Variants in PTPRN2 observed in about 807,000 individuals in gnomAD.
The protein encoded by PTPRN2 is receptor-type tyrosine-protein phosphatase N2.
A neutral mutation model predicts 118.8 loss-of-function variants in PTPRN2; 74 were observed. The observed-to-expected ratio is 0.62, with a 90% confidence interval of 0.52 to 0.76. The LOEUF is 0.76. Ranked by LOEUF, PTPRN2 falls within the 30% of genes least tolerant of loss-of-function variation. PTPRN2 has a pLI of 0.00. For synonymous variants in PTPRN2, 641 were observed against 608.0 expected, an observed-to-expected ratio of 1.05 and a Z score of -0.80; for missense variants, 1,481 against 1,394.4, an observed-to-expected ratio of 1.06 and a Z score of -0.99.
At chr7:158,071,289 G>GAGGTGCCCGTCGTGGTGT (rs1811489614) in intron 11 of PTPRN2, among the ~76,000 whole-genome samples, 1 of 103,850 alleles carries the variant, frequency 9.6e-6, no homozygotes, top group African/African-American at 5.5e-5. Flanking sequence ...CGTGGTGGTG[G>GAGGTGCCCGTCGTGGTGT]AGGTGCTCGT....
intron 14 of PTPRN2, among the ~76,000 whole-genome samples, chr7:157,649,076 A>T (rs7794805): frequency 3.4e-5 from 3 of 87,830 alleles, no homozygotes; most frequent in African/African-American, 4.4e-5. Context: ...TCGGTGGGTC[A>T]GACCCATTCA....
Position 158,028,160 on chromosome 7 carries a change from G to C in PTPRN2, c.1723+53138C>G, listed in dbSNP as rs141320007. ...TCCCCAGTGTCACATCCACGCTGTT[G>C]TCTCCTCTCCAGCTCAGACCAAAAT... On this transcript the variant is annotated intron_variant, in intron 11 of 22. Coordinates refer to ENST00000389418, the MANE Select transcript of PTPRN2 (RefSeq NM_002847.5). 4.9e-3 allele frequency: 754 copies of C among 152,334 alleles called. 1 individual carries two copies. Among genetic ancestry groups the C allele is most frequent in the Non-Finnish European group, 8.5e-3 (582 of 68,076 alleles). The allele number at this position is 152,334 out of a possible 1,614,324, so 9.4% of individuals were successfully genotyped here. A position where few individuals can be genotyped will look rare whatever the true frequency, so the allele number is the denominator to read the frequency against.
intron 5 of PTPRN2, among the ~76,000 whole-genome samples, chr7:158,175,730 A>T (rs1824130298): frequency 6.6e-6 from 1 of 152,180 alleles, no homozygotes; most frequent in Admixed American, 6.5e-5. Flanking sequence ...CAGTTTTCAG[A>T]GTTCACAAAA....
At chr7:158,146,471 C>A (rs1250331353) in intron 6 of PTPRN2, among the ~76,000 whole-genome samples, 1 of 152,018 alleles carries the variant, frequency 6.6e-6, no homozygotes, top group Non-Finnish European at 1.5e-5. Flanking sequence ...CCTGTAATCC[C>A]AGCACTTTGG....
chr7:158,272,405 G>A (rs771325051), intron 3 of PTPRN2, among the ~76,000 whole-genome samples: 17 of 151,916 alleles, frequency 1.1e-4, no homozygotes, highest in Non-Finnish European at 2.4e-4. Context: ...TATTGACTGA[G>A]TTTTTCAAGT....
In PTPRN2 at chr7:157,682,786, A is replaced by G; in HGVS notation, c.1940T>C (p.Leu647Pro). ...CCCTAGTCCCGAGAGCTTCTCCTTC[A>G]GCCTGTGCTGAGAGCTATGGCGGAG... ...YCLRHSSQHR[L>P]KEKLSGLGGD... Residue 647 changes from leucine (L) to proline (P), a missense_variant, in exon 13 of 23, where the codon CTG becomes CCG. Transcript: ENST00000389418. 1.2e-6 allele frequency: 2 copies of G among 1,614,160 alleles called. No individual in the cohort carries two copies. The highest frequency in any genetic ancestry group is 1.7e-6 in the Non-Finnish European group (2 of 1,180,048).
At chr7:157,926,057 C>T (rs4716811) in intron 11 of PTPRN2, among the ~76,000 whole-genome samples, 92,128 of 152,032 alleles carry the variant, frequency 0.61, 28,129 homozygotes, top group African/African-American at 0.67. Flanking sequence ...ACATGTGAGG[C>T]GAATGGATGA....
At chr7:157,689,138 T>G (rs1797345361) in intron 12 of PTPRN2, among the ~76,000 whole-genome samples, 1 of 152,130 alleles carries the variant, frequency 6.6e-6, no homozygotes, top group East Asian at 1.9e-4. Context: ...GGGGTGTGCT[T>G]GGGAGGGGGC....
chr7:158,511,981 A>G (rs958777158), intron 1 of PTPRN2, among the ~76,000 whole-genome samples: 3 of 152,172 alleles, frequency 2.0e-5, no homozygotes, highest in Non-Finnish European at 4.4e-5. Context: ...GATAAATGAC[A>G]TGCATTTATC....
At chr7:158,125,434 G>T (rs943418127) in intron 9 of PTPRN2, among the ~76,000 whole-genome samples, 1 of 152,166 alleles carries the variant, frequency 6.6e-6, no homozygotes, top group East Asian at 1.9e-4. Context: ...CTGGACTGTC[G>T]GGGATGCTGA....
Position 157,861,685 on chromosome 7 carries a change from C to A in PTPRN2, c.1788+36988G>T, listed in dbSNP as rs1468388004. On this transcript the variant is annotated intron_variant, in intron 12 of 22. Coordinates refer to ENST00000389418, the MANE Select transcript of PTPRN2 (RefSeq NM_002847.5). This position sits in a 1 kb window ranked among gnomAD's most constrained non-coding sequence, Gnocchi z 5.8. ...TGGAGACCTTGCTTGGAGGTGTCTGCAGGGCCTTGAAGGGGACACCGACCC... is the reference window on the plus strand; with the variant it reads ...TGGAGACCTTGCTTGGAGGTGTCTGAAGGGCCTTGAAGGGGACACCGACCC... Among the ~76,000 whole-genome samples, 1 of 152,222 alleles carries A rather than the reference C, an allele frequency of 6.6e-6. No homozygotes were observed. The highest frequency in any genetic ancestry group is 1.5e-5 in the Non-Finnish European group (1 of 68,032).
chr7:158,487,402 A>G (rs907686392), intron 2 of PTPRN2, among the ~76,000 whole-genome samples: 1 of 152,184 alleles, frequency 6.6e-6, no homozygotes, highest in African/African-American at 2.4e-5. Context: ...GCAGCGCACA[A>G]GTGTTCAATT....
intron 11 of PTPRN2, among the ~76,000 whole-genome samples, chr7:157,963,270 G>A (rs975109174): frequency 2.6e-5 from 4 of 152,226 alleles, no homozygotes; most frequent in Non-Finnish European, 5.9e-5. Flanking sequence ...GCGGGCTGGG[G>A]GTGTTTAAGA....
rs1023140215 is a variant in PTPRN2, at chr7:157,780,595, C to T, written c.1789-97658G>A. Among the ~76,000 whole-genome samples, 4 of 152,304 alleles carry T rather than the reference C, an allele frequency of 2.6e-5. No individual in the cohort carries two copies. The highest frequency in any genetic ancestry group is 4.8e-5 in the African/African-American group (2 of 41,556). ...CAGTACTGGCTCTGCACGCCTTCACCGTGAGAGGCCCCTGGACAAGGGACT... is the reference window on the plus strand; with the variant it reads ...CAGTACTGGCTCTGCACGCCTTCACTGTGAGAGGCCCCTGGACAAGGGACT... On this transcript the variant is annotated intron_variant, in intron 12 of 22. Transcript: ENST00000389418. The surrounding 1 kb of genome is among the most constrained non-coding windows in gnomAD (Gnocchi z 4.5).
At position 158,113,834 on chromosome 7, in the gene PTPRN2, G is replaced by A. The variant is rs76696264; in HGVS notation, c.1557-2919C>T. On this transcript the variant is annotated intron_variant, in intron 9 of 22. Transcript: ENST00000389418. ...GCCTACCATCCTTGGCCAGGACTTC[G>A]AGGCACGTAGCAATCCGGGACCAGC... Among the ~76,000 whole-genome samples the A allele has an allele frequency of 5.1e-3, 770 of 152,288 alleles. 26 individuals are homozygous for A. In the East Asian group the frequency reaches 0.099, roughly 20 times the overall value.
intron 12 of PTPRN2, among the ~76,000 whole-genome samples, chr7:157,894,135 T>C (rs1796970341): frequency 6.6e-6 from 1 of 152,208 alleles, no homozygotes; most frequent in Admixed American, 6.5e-5. Context: ...AAACTGAGGC[T>C]GAGCAGGGAC....
At chr7:158,202,418 G>C (rs1414582748) in intron 4 of PTPRN2, among the ~76,000 whole-genome samples, 4 of 152,250 alleles carry the variant, frequency 2.6e-5, no homozygotes, top group African/African-American at 9.6e-5. Flanking sequence ...CAGCAGGAGG[G>C]ACAGCATGAG....
In PTPRN2 at chr7:158,093,179, G is replaced by T. The variant is rs10273044; in HGVS notation, c.1644-11802C>A. Among the ~76,000 whole-genome samples, 13,353 of 36,742 alleles carry T rather than the reference G, an allele frequency of 0.36. 3,519 individuals are homozygous for T. The highest frequency in any genetic ancestry group is 0.79 in the Middle Eastern group (27 of 34). 24.1% of individuals were successfully genotyped at this position (36,742 alleles called of 152,430 possible). A position where few individuals can be genotyped will look rare whatever the true frequency, so the allele number is the denominator to read the frequency against. Reference sequence around the variant, plus strand: ...CGACCCCCACACCATAGACCCACACGCAGGCCTGCACCTCTGTCCTTTCCT... The same window carrying T: ...CGACCCCCACACCATAGACCCACACTCAGGCCTGCACCTCTGTCCTTTCCT... On this transcript the variant is annotated intron_variant, in intron 10 of 22. Transcript: ENST00000389418. The surrounding 1 kb of genome is among the most constrained non-coding windows in gnomAD (Gnocchi z 4.4).
intron 12 of PTPRN2, among the ~76,000 whole-genome samples, chr7:157,697,261 G>A (rs1213074024): frequency 1.5e-5 from 2 of 135,994 alleles, no homozygotes; most frequent in Non-Finnish European, 3.1e-5. Flanking sequence ...TGCATACTGT[G>A]TCTTGGCAGA....
Sources: gnomAD v4.1 joint callset for allele counts (sites outside exome capture counted in the v4.1 genomes callset) on GRCh38, gnomAD v4.1.1 for gene constraint, Gnocchi (gnomAD v3.1) non-coding constraint, MANE v1.5 for transcripts, NCBI Gene and HGNC (gene_info 2026-07-23, HGNC 2026-07-21) for gene names.